IARS1: variants seen among roughly 807,000 people sequenced by gnomAD.
IARS1 encodes isoleucine--tRNA ligase, cytoplasmic.
IARS1 carries 124 observed loss-of-function variants against 168.2 expected under a neutral mutation model. The observed-to-expected ratio is 0.74, with a 90% CI of 0.64 to 0.86. The LOEUF is 0.86. IARS1 is among the 40% of genes least tolerant of loss of function. The probability of loss-of-function intolerance (pLI) is 0.00; values close to 1 mark genes in which losing one functional copy is unlikely to be tolerated. For missense variants in IARS1, 1,452 were observed against 1,515.8 expected (o/e 0.96, Z 0.70); for synonymous variants, 532 against 529.4 (o/e 1.00, Z -0.07).
intron 19 of IARS1, 88 bp from the exon 20 acceptor site, chr9:92,256,888 AC>A (rs1830809020): frequency 6.5e-4 from 839 of 1,296,190 alleles, no homozygotes; most frequent in South Asian, 1.6e-3. Context: ...TTAAACAAAA[AC>A]AAAAAGAAAA....
chr9:92,293,477 G>C (rs1172812777), intron 1 of IARS1, 134 bp downstream of exon 1: 12 of 530,716 alleles, frequency 2.3e-5, no homozygotes, highest in Non-Finnish European at 4.2e-5. Flanking sequence ...CCTGAGGCTG[G>C]AAACGAACGA....
At chr9:92,235,346 T>G (rs1244009606) in intron 30 of IARS1, among the ~76,000 whole-genome samples, 1 of 152,112 alleles carries the variant, frequency 6.6e-6, no homozygotes, top group Non-Finnish European at 1.5e-5. Flanking sequence ...ATGGTAGCTG[T>G]AGGATTTTTG....
chr9:92,283,854 G>C (rs1236300070), intron 6 of IARS1, among the ~76,000 whole-genome samples: 2 of 152,124 alleles, frequency 1.3e-5, no homozygotes, highest in Non-Finnish European at 2.9e-5. Context: ...ATGATGTTCA[G>C]GAATTACATA....
intron 31 of IARS1, among the ~76,000 whole-genome samples, chr9:92,228,625 G>A (rs1427608244): frequency 6.6e-6 from 1 of 152,148 alleles, no homozygotes; most frequent in African/African-American, 2.4e-5. Flanking sequence ...AAGGCAGGAG[G>A]ATTACTTGAG....
chr9:92,283,811 G>C (rs891674505), intron 6 of IARS1, among the ~76,000 whole-genome samples: 3 of 152,034 alleles, frequency 2.0e-5, no homozygotes, highest in South Asian at 2.1e-4. Context: ...ATAACCCCTT[G>C]GGAAATGATT....
chr9:92,240,512 C>T (rs772151080), intron 30 of IARS1: 102 of 591,558 alleles, frequency 1.7e-4, no homozygotes, highest in Middle Eastern at 4.5e-4. Flanking sequence ...CACCAGCCTC[C>T]GCCTTCCAAA....
chr9:92,293,412 A>T (rs772320057), intron 1 of IARS1, 199 bp downstream of exon 1: 2 of 529,528 alleles, frequency 3.8e-6, no homozygotes, highest in African/African-American at 1.9e-5. Context: ...ATATCATTTT[A>T]AAAAGATTTT....
At chr9:92,255,792 T>C (rs915593760) in intron 20 of IARS1, among the ~76,000 whole-genome samples, 1 of 143,460 alleles carries the variant, frequency 7.0e-6, no homozygotes, top group African/African-American at 2.8e-5. Context: ...CAAGATAGGC[T>C]GAATAAGAGT....
At chr9:92,270,874 T>C (rs1832929077) in intron 12 of IARS1, 111 bp downstream of exon 12, 2 of 679,884 alleles carry the variant, frequency 2.9e-6, no homozygotes, top group African/African-American at 1.8e-5. Context: ...AAACCAACTC[T>C]AAAGGATACA....
chr9:92,291,745 C>T (rs1054392373), intron 1 of IARS1, among the ~76,000 whole-genome samples: 4 of 152,142 alleles, frequency 2.6e-5, no homozygotes, highest in African/African-American at 4.8e-5. Flanking sequence ...GACTAACAGA[C>T]CTTTAGATAC....
chr9:92,255,077 G>A (rs1455245031), intron 20 of IARS1, among the ~76,000 whole-genome samples: 1 of 152,270 alleles, frequency 6.6e-6, no homozygotes, highest in East Asian at 1.9e-4. Context: ...GGAGTGTGCT[G>A]GGCTCCCAGT....
At chr9:92,291,050 A>G (rs983115471) in intron 1 of IARS1, among the ~76,000 whole-genome samples, 4 of 152,058 alleles carry the variant, frequency 2.6e-5, no homozygotes, top group African/African-American at 9.7e-5. Context: ...TAATGAGAGA[A>G]GTCTTAAAGT....
At chr9:92,251,162 T>G in intron 22 of IARS1, 2 of 467,720 alleles carry the variant, frequency 4.3e-6, no homozygotes, top group Non-Finnish European at 8.5e-6. Flanking sequence ...ATCTGTAAAC[T>G]GGGGAAAATA....
intron 33 of IARS1, among the ~76,000 whole-genome samples, chr9:92,217,693 C>G (rs982456360): frequency 1.1e-4 from 17 of 152,134 alleles, no homozygotes; most frequent in South Asian, 2.1e-4. Context: ...ATAAATTCCT[C>G]GACACATACA....
At chr9:92,213,189 C>T (rs922283115) in intron 33 of IARS1, among the ~76,000 whole-genome samples, 14 of 151,984 alleles carry the variant, frequency 9.2e-5, no homozygotes, top group African/African-American at 3.1e-4. Flanking sequence ...AAAATAATGA[C>T]TCCCATGGGG....
Position 92,264,924 on chromosome 9 carries a change from C to T in IARS1, c.1700+5G>A. On this transcript the variant is annotated splice_donor_5th_base_variant and intron_variant, in intron 16 of 33. Coordinates refer to ENST00000443024, the MANE Select transcript of IARS1 (RefSeq NM_002161.6). ...AACACGTGATGAAAGAACAAGGAGG[C>T]ATACCATCCTCTGGTTTGGTCGATG... 6.2e-7 allele frequency: 1 copy of T among 1,607,334 alleles called. No individual in the cohort carries two copies. Among genetic ancestry groups the T allele is most frequent in the Admixed American group, 1.7e-5 (1 of 58,888 alleles).
chr9:92,229,275 C>A, intron 30 of IARS1, 149 bp from the exon 31 acceptor site: 4 of 602,938 alleles, frequency 6.6e-6, no homozygotes, highest in African/African-American at 1.9e-5. Context: ...GTATATATAG[C>A]TTATTATATA....
At chr9:92,278,345 A>C in intron 7 of IARS1, 59 bp from the exon 8 acceptor site, 1 of 1,132,324 alleles carries the variant, frequency 8.8e-7, no homozygotes, top group South Asian at 1.2e-5. Context: ...CTGATTCCAA[A>C]GACATGCATC....
chr9:92,224,022 T>C (rs543624956), intron 31 of IARS1, among the ~76,000 whole-genome samples: 15 of 151,858 alleles, frequency 9.9e-5, no homozygotes, highest in Non-Finnish European at 1.3e-4. Context: ...AAATATTGAG[T>C]GGAAATGGTA....
Sources: allele counts gnomAD v4.1 joint callset (sites outside exome capture counted in the v4.1 genomes callset), GRCh38; gene constraint gnomAD v4.1.1; transcripts MANE v1.5; gene names NCBI Gene and HGNC (gene_info 2026-07-23, HGNC 2026-07-21).